Variants in SIPA1L2 observed in about 807,000 individuals in gnomAD.
The protein encoded by SIPA1L2 is signal induced proliferation associated 1 like 2.
Under a neutral mutation model 163.9 loss-of-function variants are expected in SIPA1L2, and 56 were observed. That is an observed-to-expected ratio of 0.34 (90% confidence interval 0.28 to 0.43). The LOEUF (loss-of-function observed/expected upper bound fraction) is 0.43. Ranked by LOEUF, SIPA1L2 falls within the 20% of genes least tolerant of loss-of-function variation. SIPA1L2 has a pLI of 1.00. For missense variants in SIPA1L2, 1,974 were observed against 2,193.5 expected (o/e 0.90, Z 2.00); for synonymous variants, 877 against 865.7 (o/e 1.01, Z -0.23).
intron 2 of SIPA1L2, among the ~76,000 whole-genome samples, chr1:232,524,366 CACAA>C (rs1383982160): frequency 2.0e-5 from 3 of 152,202 alleles, no homozygotes; most frequent in African/African-American, 7.2e-5. Flanking sequence ...ATGTCACACA[CACAA>C]ACACACTCCC....
chr1:232,575,762 T>C (rs1335373438), intron 1 of SIPA1L2, among the ~76,000 whole-genome samples: 1 of 152,014 alleles, frequency 6.6e-6, no homozygotes, highest in Non-Finnish European at 1.5e-5. Flanking sequence ...GCCCAAAAGG[T>C]AGAAGCAACC....
intron 1 of SIPA1L2, among the ~76,000 whole-genome samples, chr1:232,625,340 A>G (rs902126129): frequency 2.0e-5 from 3 of 152,240 alleles, no homozygotes; most frequent in African/African-American, 7.2e-5. Flanking sequence ...AATAATGTAC[A>G]GACAGCATTT....
chr1:232,418,994 A>G (rs535936293), intron 18 of SIPA1L2, among the ~76,000 whole-genome samples: 5 of 152,326 alleles, frequency 3.3e-5, no homozygotes, highest in Non-Finnish European at 7.3e-5. Flanking sequence ...GCTTTACATC[A>G]AAGAAAAGAC....
At chr1:232,610,924 T>A (rs1662203527) in intron 1 of SIPA1L2, among the ~76,000 whole-genome samples, 1 of 152,218 alleles carries the variant, frequency 6.6e-6, no homozygotes, top group Non-Finnish European at 1.5e-5. Context: ...CCCAGAGGGC[T>A]ACCAACGCTC....
intron 1 of SIPA1L2, among the ~76,000 whole-genome samples, chr1:232,591,601 T>C (rs980618763): frequency 2.0e-5 from 3 of 152,202 alleles, no homozygotes; most frequent in Admixed American, 6.5e-5. Flanking sequence ...GCCTTTAAGC[T>C]CTCTCTTCAG....
In SIPA1L2 at chr1:232,403,540, T is replaced by C. The variant is rs1193978222; in HGVS notation, c.4848A>G (p.Thr1616=). 1 of 1,614,016 alleles carries C rather than the reference T, an allele frequency of 6.2e-7. No homozygotes were observed. The highest frequency in any genetic ancestry group is 1.3e-5 in the African/African-American group (1 of 75,044). Residue 1616 remains threonine (T), a synonymous_variant, in exon 21 of 23, where the codon ACA becomes ACG. Transcript: ENST00000674635. The part of the protein sequence containing the change: ...DQRVASFCTL[T]DMQHGQDLEG... ...CCAGGTCCTGCCCATGCTGCATATC[T>C]GTCAGGGTGCAGAAGGATGCCACCC...
chr1:232,464,990 A>C lies in SIPA1L2; in HGVS notation c.2670T>G (p.Asn890Lys). 6.2e-7 allele frequency: 1 copy of C among 1,614,204 alleles called. No individual in the cohort carries two copies. ...FIMLIEKDSK[N>K]VVFNCSCRDV... ...CCCTGCAGGAACAGTTGAATACAAC[A>C]TTCTTGGAATCCTTTTCAATCAACA... The change falls in exon 9 of 23, where the codon AAT becomes AAG. Residue 890 changes from asparagine to lysine, a missense_variant. Transcript: ENST00000674635.
At chr1:232,594,459 G>GC (rs1400861463) in intron 1 of SIPA1L2, among the ~76,000 whole-genome samples, 1 of 152,118 alleles carries the variant, frequency 6.6e-6, no homozygotes, top group Non-Finnish European at 1.5e-5. Flanking sequence ...GGGGACTCCT[G>GC]CCCTCACCTC....
chr1:232,511,651 G>A (rs1327454307), intron 3 of SIPA1L2, among the ~76,000 whole-genome samples: 4 of 152,060 alleles, frequency 2.6e-5, no homozygotes, highest in Admixed American at 6.6e-5. Context: ...GACCTCCTAA[G>A]GTCTGTGTTA....
intron 16 of SIPA1L2, among the ~76,000 whole-genome samples, chr1:232,430,713 G>A (rs781111896): frequency 6.6e-6 from 1 of 152,134 alleles, no homozygotes; most frequent in Non-Finnish European, 1.5e-5. Context: ...CCCTGGTCTC[G>A]AATCCCAGCA....
chr1:232,448,199 C>T (rs1663328136), intron 10 of SIPA1L2, among the ~76,000 whole-genome samples: 1 of 152,196 alleles, frequency 6.6e-6, no homozygotes, highest in Non-Finnish European at 1.5e-5. Context: ...ACCAACTGCA[C>T]AGTGCAAGGC....
intron 18 of SIPA1L2, among the ~76,000 whole-genome samples, chr1:232,418,948 C>A (rs559081397): frequency 2.0e-5 from 3 of 152,180 alleles, no homozygotes; most frequent in Admixed American, 6.5e-5. Context: ...GGGGGCACAA[C>A]AGTGGGTAGG....
Position 232,493,514 on chromosome 1 carries a change from G to A in SIPA1L2, c.1617+13C>T. On this transcript the variant is annotated intron_variant, in intron 4 of 22. Coordinates refer to ENST00000674635, the MANE Select transcript of SIPA1L2 (RefSeq NM_020808.5). ...GACTTTAGCCCAATAACTACGGCAAGCAGCCCCATTACCTCACTTGTCCTG... is the reference window on the plus strand; with the variant it reads ...GACTTTAGCCCAATAACTACGGCAAACAGCCCCATTACCTCACTTGTCCTG... 1.2e-6 allele frequency: 2 copies of A among 1,613,806 alleles called. No homozygotes were observed. The highest frequency in any genetic ancestry group is 1.7e-6 in the Non-Finnish European group (2 of 1,179,810).
rs1657757833 is a variant in SIPA1L2, at chr1:232,542,673, C to G, written c.-269-27065G>C. ...GGGGCTAAGTTAAAGGAACTGAGGC[C>G]AAACCCCACAGAGTGAAGGAAAAAG... On this transcript the variant is annotated intron_variant, in intron 2 of 22. Coordinates refer to ENST00000674635, the MANE Select transcript of SIPA1L2 (RefSeq NM_020808.5). Among the ~76,000 whole-genome samples, 3 of 152,162 alleles carry G rather than the reference C, an allele frequency of 2.0e-5. No homozygotes were observed. In the South Asian group the frequency reaches 6.2e-4, roughly 32 times the overall value.
intron 1 of SIPA1L2, among the ~76,000 whole-genome samples, chr1:232,616,721 C>T (rs1662519063): frequency 6.6e-6 from 1 of 152,226 alleles, no homozygotes; most frequent in Non-Finnish European, 1.5e-5. Flanking sequence ...ACCAATACAG[C>T]CCTAAGGAAA....
intron 1 of SIPA1L2, among the ~76,000 whole-genome samples, chr1:232,614,669 A>G (rs952678979): frequency 6.6e-6 from 1 of 152,236 alleles, no homozygotes; most frequent in Non-Finnish European, 1.5e-5. Flanking sequence ...TGCATAGCCC[A>G]TCTATAATAC....
chr1:232,468,292 C>T (rs558320147), intron 8 of SIPA1L2, among the ~76,000 whole-genome samples: 2 of 152,264 alleles, frequency 1.3e-5, no homozygotes, highest in African/African-American at 4.8e-5. Context: ...ATATTTAAGG[C>T]CCCTCCAGCA....
rs1558190623 is a variant in SIPA1L2, at chr1:232,455,635, TTGCAGCGAGCC to T, written c.3095+5241_3095+5251del. Reference sequence around the variant, plus strand: ...GGCGGAGCTTGCAGCGAGGCGGAGCTTGCAGCGAGCCGGAGCTTGCAGTGAGCCGAGATCGC... The same window carrying T: ...GGCGGAGCTTGCAGCGAGGCGGAGCTGGAGCTTGCAGTGAGCCGAGATCGC... On this transcript the variant is annotated intron_variant, in intron 10 of 22. Coordinates refer to ENST00000674635, the MANE Select transcript of SIPA1L2 (RefSeq NM_020808.5). Among the ~76,000 whole-genome samples, 239 of 148,162 alleles carry T rather than the reference TTGCAGCGAGCC, an allele frequency of 1.6e-3. 1 individual carries two copies. Among genetic ancestry groups the T allele is most frequent in the African/African-American group, 5.1e-3 (205 of 40,104 alleles).
At chr1:232,546,205 C>T (rs1439000884) in intron 2 of SIPA1L2, among the ~76,000 whole-genome samples, 1 of 152,222 alleles carries the variant, frequency 6.6e-6, no homozygotes, top group Non-Finnish European at 1.5e-5. Context: ...GCCAGTTACA[C>T]AGCATAACCG....
Sources: allele counts gnomAD v4.1 joint callset (sites outside exome capture counted in the v4.1 genomes callset), GRCh38; gene constraint gnomAD v4.1.1; transcripts MANE v1.5; gene names NCBI Gene and HGNC (gene_info 2026-07-23, HGNC 2026-07-21).